SPTB: variants seen among roughly 807,000 people sequenced by gnomAD.
SPTB encodes spectrin beta, erythrocytic, also known as spectrin beta chain, erythrocytic.
A neutral mutation model predicts 256.2 loss-of-function variants in SPTB; 45 were observed. The ratio of observed to expected loss-of-function variants is 0.18; its 90% CI spans 0.14 to 0.23. The LOEUF (loss-of-function observed/expected upper bound fraction) is 0.23, where lower values mean the gene tolerates loss of function less well. Among genes scored for constraint, SPTB ranks in the 10% least tolerant of loss-of-function variants. SPTB has a pLI of 1.00. For missense variants in SPTB, 2,715 were observed against 3,040.4 expected, an observed-to-expected ratio of 0.89 and a Z score of 2.52; for synonymous variants, 1,231 against 1,243.1, an observed-to-expected ratio of 0.99 and a Z score of 0.21.
In SPTB at chr14:64,785,680, ACCAAGC is replaced by A. The variant is rs2082552048; in HGVS notation, c.3765-59_3765-54del. On this transcript the variant is annotated intron_variant, in intron 17 of 35. Coordinates refer to ENST00000644917, the MANE Select transcript of SPTB (RefSeq NM_001355436.2). This position sits in a 1 kb window ranked among gnomAD's most constrained non-coding sequence, Gnocchi z 4.4. ...CAATAGTGCCGAGCTTGGGGTCCTCACCAAGCTTGGGGTCCTCACTACCCCCGTGTG... is the reference window on the plus strand; with the variant it reads ...CAATAGTGCCGAGCTTGGGGTCCTCATTGGGGTCCTCACTACCCCCGTGTG... The A allele has an allele frequency of 1.2e-6, 2 of 1,611,824 alleles. No individual in the cohort carries two copies. Among genetic ancestry groups the A allele is most frequent in the South Asian group, 2.2e-5 (2 of 91,024 alleles).
rs768636719 is a variant in SPTB, at chr14:64,769,661, T to G, written c.5866A>C (p.Ser1956Arg). The G allele has an allele frequency of 1.2e-6, 2 of 1,614,182 alleles. No individual in the cohort carries two copies. Among genetic ancestry groups the G allele is most frequent in the South Asian group, 2.2e-5 (2 of 91,090 alleles). ...QGINAEIETRSKNFSACLELG... is the reference protein window; with the variant it reads ...QGINAEIETRRKNFSACLELG... Reference sequence around the variant, plus strand: ...TCCAGGCAGGCACTGAAGTTCTTGCTCCGGGTTTCAATCTCTGCATTGATG... The same window carrying G: ...TCCAGGCAGGCACTGAAGTTCTTGCGCCGGGTTTCAATCTCTGCATTGATG... The change falls in exon 28 of 36, where the codon AGC (serine) becomes CGC (arginine). Residue 1956 changes from serine (S) to arginine (R), a missense_variant. Ser to Arg is a moderately radical substitution (Grantham distance 110). Coordinates refer to ENST00000644917, the MANE Select transcript of SPTB (RefSeq NM_001355436.2).
At position 64,853,368 on chromosome 14, in the gene SPTB, A is replaced by G. The variant is rs1224506188; in HGVS notation, c.-52+26424T>C. On this transcript the variant is annotated intron_variant, in intron 1 of 35. Coordinates refer to ENST00000644917, the MANE Select transcript of SPTB (RefSeq NM_001355436.2). This position sits in a 1 kb window ranked among gnomAD's most constrained non-coding sequence, Gnocchi z 4.3. ...AACCCTGGAGAACCTCTTCCTCAGGATATGCCCAGGAAGCCATCAAAGAAC... is the reference window on the plus strand; with the variant it reads ...AACCCTGGAGAACCTCTTCCTCAGGGTATGCCCAGGAAGCCATCAAAGAAC... 6.6e-6 allele frequency among the ~76,000 whole-genome samples: 1 copy of G among 152,244 alleles called. No individual in the cohort carries two copies. Among genetic ancestry groups the G allele is most frequent in the Non-Finnish European group, 1.5e-5 (1 of 68,050 alleles).
At position 64,764,049 on chromosome 14, in the gene SPTB, C is replaced by T. The variant is rs751244940; in HGVS notation, c.6345+2677G>A. On this transcript the variant is annotated intron_variant, in intron 32 of 35. Coordinates refer to ENST00000644917, the MANE Select transcript of SPTB (RefSeq NM_001355436.2). The surrounding 1 kb of genome is among the most constrained non-coding windows in gnomAD (Gnocchi z 4.2). ...TGAGGGATTGTACATGAAGCAACAC[C>T]GCATGGATCTATTCTGTAGGGCACC... Among the ~76,000 whole-genome samples, 22 of 152,198 alleles carry T rather than the reference C, an allele frequency of 1.4e-4. No individual in the cohort carries two copies. The highest frequency in any genetic ancestry group is 3.4e-4 in the African/African-American group (14 of 41,446).
Position 64,772,644 on chromosome 14 carries a change from G to A in SPTB, c.5489C>T (p.Thr1830Met), listed in dbSNP as rs773088290. 1.9e-5 allele frequency: 31 copies of A among 1,613,022 alleles called. No individual in the cohort carries two copies. Among genetic ancestry groups the A allele is most frequent in the African/African-American group, 1.7e-4 (13 of 74,940 alleles). The change falls in exon 26 of 36, where the codon ACG becomes ATG. Residue 1830 changes from threonine to methionine, a missense_variant. Coordinates refer to ENST00000644917, the MANE Select transcript of SPTB (RefSeq NM_001355436.2). This position sits in a 1 kb window ranked among gnomAD's most constrained non-coding sequence, Gnocchi z 5.4. ...GTGCACCCGGTGGAAGGACTCGGCC[G>A]TGCTGGCGTCCAGCCCCACGTCCTC... Reference protein sequence around the residue: ...LPEDVGLDASTAESFHRVHTA... With the variant: ...LPEDVGLDASMAESFHRVHTA...
rs2082993973 is a variant in SPTB at position 64,806,851 on chromosome 14, G to T, written c.149-1761C>A. ...GCCATCTAAATAAGACTTCCAAGAAGAGGAAAAGTACTACTACTGACTGTG... is the reference window on the plus strand; with the variant it reads ...GCCATCTAAATAAGACTTCCAAGAATAGGAAAAGTACTACTACTGACTGTG... On this transcript the variant is annotated intron_variant, in intron 2 of 35. Transcript: ENST00000644917. This position sits in a 1 kb window ranked among gnomAD's most constrained non-coding sequence, Gnocchi z 4.1. 6.9e-6 allele frequency among the ~76,000 whole-genome samples: 1 copy of T among 144,044 alleles called. No individual in the cohort carries two copies. Among genetic ancestry groups the T allele is most frequent in the African/African-American group, 2.7e-5 (1 of 36,430 alleles). The allele number at this position is 144,044 out of a possible 152,430, so 94.5% of individuals were successfully genotyped here.
chr14:64,773,859 G>A (rs2082315717), intron 24 of SPTB, among the ~76,000 whole-genome samples: 1 of 152,218 alleles, frequency 6.6e-6, no homozygotes, highest in Admixed American at 6.5e-5. Flanking sequence ...TGGGGTGGCT[G>A]CTGAGGACCC....
At chr14:64,842,153 G>T (rs2083617336) in intron 1 of SPTB, among the ~76,000 whole-genome samples, 1 of 152,262 alleles carries the variant, frequency 6.6e-6, no homozygotes, top group South Asian at 2.1e-4. Flanking sequence ...CGTGTGCGGG[G>T]CCATGGTGGT....
At chr14:64,859,728 A>C (rs868062558) in intron 1 of SPTB, among the ~76,000 whole-genome samples, 111 of 132,328 alleles carry the variant, frequency 8.4e-4, no homozygotes, top group Middle Eastern at 3.9e-3. Flanking sequence ...CTCTATATAT[A>C]TATATATATG....
At position 64,785,351 on chromosome 14, in the gene SPTB, G is replaced by GA. The variant is rs758712966; in HGVS notation, c.3855+185dup. On this transcript the variant is annotated intron_variant, in intron 18 of 35. Coordinates refer to ENST00000644917, the MANE Select transcript of SPTB (RefSeq NM_001355436.2). This position sits in a 1 kb window ranked among gnomAD's most constrained non-coding sequence, Gnocchi z 4.4. ...AGGTTAAGGATGACTTTTCAGATTTGAAAAAAAAAAAACAGTGCAACTGAA... is the reference window on the plus strand; with the variant it reads ...AGGTTAAGGATGACTTTTCAGATTTGAAAAAAAAAAAAACAGTGCAACTGAA... 0.021 allele frequency among the ~76,000 whole-genome samples: 2,970 copies of GA among 140,638 alleles called. 54 individuals are homozygous for GA. The highest frequency in any genetic ancestry group is 0.061 in the South Asian group (275 of 4,478). 92.3% of individuals were successfully genotyped at this position (140,638 alleles called of 152,430 possible).
At chr14:64,757,023 G>A (rs2082025307) in intron 32 of SPTB, 2 of 152,380 alleles carry the variant, frequency 1.3e-5, no homozygotes, top group South Asian at 4.1e-4. Flanking sequence ...TCTGACTTGG[G>A]TATACATCTG....
intron 2 of SPTB, among the ~76,000 whole-genome samples, chr14:64,808,802 A>G (rs1364002125): frequency 2.0e-5 from 3 of 152,168 alleles, no homozygotes; most frequent in African/African-American, 7.2e-5. Flanking sequence ...ACTGAATTCC[A>G]TATCAGGTAC....
intron 15 of SPTB, among the ~76,000 whole-genome samples, chr14:64,788,920 A>C (rs555124604): frequency 3.3e-5 from 5 of 152,230 alleles, no homozygotes; most frequent in African/African-American, 1.2e-4. Flanking sequence ...ACATTCATCA[A>C]GTGTTTGAAT....
chr14:64,756,938 A>AGCAGGGAGGAAGAGCAGGAGAG (rs2082024422), intron 32 of SPTB: 1 of 152,410 alleles, frequency 6.6e-6, no homozygotes, highest in Non-Finnish European at 1.5e-5. Context: ...GGATCACCGT[A>AGCAGGGAGGAAGAGCAGGAGAG]GCAGGGAGGA....
At chr14:64,753,884 C>G in intron 32 of SPTB, 91 bp from the exon 33 acceptor site, 19 of 1,530,448 alleles carry the variant, frequency 1.2e-5, no homozygotes, top group Non-Finnish European at 1.6e-5. Flanking sequence ...AGCAGCCACC[C>G]TCTCCACACC....
Position 64,785,919 on chromosome 14 carries a change from G to C in SPTB, c.3594C>G (p.Asp1198Glu), listed in dbSNP as rs1229710369. 1 of 1,614,090 alleles carries C rather than the reference G, an allele frequency of 6.2e-7. No individual in the cohort carries two copies. The highest frequency in any genetic ancestry group is 1.7e-5 in the Admixed American group (1 of 60,024). The change falls in exon 17 of 36, where the codon GAC becomes GAG. Residue 1198 changes from aspartate (D) to glutamate (E), a missense_variant. Coordinates refer to ENST00000644917, the MANE Select transcript of SPTB (RefSeq NM_001355436.2). This position sits in a 1 kb window ranked among gnomAD's most constrained non-coding sequence, Gnocchi z 4.4. The part of the protein sequence containing the change: ...EYTLAHLEPP[D>E]SLEAAEAGIR... ...TCCCAGCCTCTGCAGCTTCCAGGGA[G>C]TCTGGGGGCTCCAAGTGAGCCAGAG...
intron 15 of SPTB, among the ~76,000 whole-genome samples, chr14:64,789,308 T>C (rs981325945): frequency 6.6e-6 from 1 of 152,156 alleles, no homozygotes; most frequent in African/African-American, 2.4e-5. Flanking sequence ...GCCAAAATTG[T>C]ACCACTGCAC....
At position 64,749,578 on chromosome 14, in the gene SPTB, C is replaced by T; in HGVS notation, c.6819+76G>A. The stretch of plus-strand genomic sequence containing the variant: ...CTTGGGACTGCCCCTTCTGAGGGGG[C>T]CTCCAGGGCAAGCGGCCTGGGGTCC... On this transcript the variant is annotated intron_variant, in intron 35 of 35. Transcript: ENST00000644917. The surrounding 1 kb of genome is among the most constrained non-coding windows in gnomAD (Gnocchi z 4.7). 1.2e-6 allele frequency: 2 copies of T among 1,607,358 alleles called. No individual in the cohort carries two copies. The highest frequency in any genetic ancestry group is 1.7e-6 in the Non-Finnish European group (2 of 1,179,028).
In SPTB at chr14:64,824,707, CACT is replaced by C. The variant is rs2083350333; in HGVS notation, c.-51-1565_-51-1563del. Among the ~76,000 whole-genome samples, 1 of 148,706 alleles carries C rather than the reference CACT, an allele frequency of 6.7e-6. No individual in the cohort carries two copies. ...CACACACACAGGCTCATATCTGACA[CACT>C]GACACACACCAGCACACACATGCAC... is the stretch of plus-strand genomic sequence containing the variant. On this transcript the variant is annotated intron_variant, in intron 1 of 35. Transcript: ENST00000644917. This position sits in a 1 kb window ranked among gnomAD's most constrained non-coding sequence, Gnocchi z 5.7.
Position 64,793,864 on chromosome 14 carries a change from T to A in SPTB, c.1799A>T (p.Tyr600Phe), listed in dbSNP as rs1018237397. 1.9e-6 allele frequency: 3 copies of A among 1,589,562 alleles called. No homozygotes were observed. In the African/African-American group the frequency reaches 4.0e-5, roughly 21 times the overall value. Residue 600 changes from tyrosine (Y) to phenylalanine (F), a missense_variant, in exon 14 of 36, where the codon TAC becomes TTC. By Grantham distance (22) the Tyr-to-Phe change is conservative. This residue lies in a region of SPTB where 2,239 missense variants were observed against 2,384.4 expected (regional missense o/e 0.94). Coordinates refer to ENST00000644917, the MANE Select transcript of SPTB (RefSeq NM_001355436.2). The surrounding 1 kb of genome is among the most constrained non-coding windows in gnomAD (Gnocchi z 7.0). The stretch of plus-strand genomic sequence containing the variant: ...GATGACCTGGGGGTCACAAGGCTGG[T>A]ACCCTGGAAGAAATAGGGGGAAGGA... ...ATLKFTEGKG[Y>F]QPCDPQVIQD...
Sources: gnomAD v4.1 joint callset for allele counts (sites outside exome capture counted in the v4.1 genomes callset) on GRCh38, gnomAD v4.1.1 for gene constraint, gnomAD v4.1.1 regional missense constraint, Gnocchi (gnomAD v3.1) non-coding constraint, MANE v1.5 for transcripts, NCBI Gene and HGNC (gene_info 2026-07-23, HGNC 2026-07-21) for gene names.